Variants in DPH6 observed in about 807,000 individuals in gnomAD.
DPH6 encodes the protein diphthamine biosynthesis 6.
In DPH6, 33 loss-of-function variants were observed where a neutral mutation model predicts 38.2. That is an observed-to-expected ratio of 0.86 (90% CI 0.65 to 1.15). The LOEUF (loss-of-function observed/expected upper bound fraction) is 1.15. Among genes scored for constraint, DPH6 ranks in the 50% most tolerant of loss-of-function variants. The pLI is 0.00. For synonymous variants in DPH6, 108 were observed against 103.0 expected, an observed-to-expected ratio of 1.05 and a Z score of -0.30; for missense variants, 325 against 320.0, an observed-to-expected ratio of 1.02 and a Z score of -0.12.
the DPH6 span, among the ~76,000 whole-genome samples, chr15:35,163,733 C>T: frequency 6.6e-6 from 1 of 151,844 alleles, no homozygotes; most frequent in African/African-American, 2.4e-5. Flanking sequence ...TGAGATTGCA[C>T]ATCACTACCT....
intron 5 of DPH6, among the ~76,000 whole-genome samples, chr15:35,440,908 C>A (rs2053779135): frequency 6.6e-6 from 1 of 152,200 alleles, no homozygotes; most frequent in Non-Finnish European, 1.5e-5. Flanking sequence ...ATCTATCCAT[C>A]TGACAAAGGA....
In DPH6 at chr15:35,242,895, A is replaced by C. The variant is rs318351; in HGVS notation, n.201-22313T>G. On this transcript the variant is annotated intron_variant and non_coding_transcript_variant, in intron 3 of 3. Coordinates refer to the DPH6 transcript ENST00000560386. ...ATTCACCGTTCTCAACTACTCATAC[A>C]TGCCCTGCTCTTGTTTACACTGCCG... Among the ~76,000 whole-genome samples, 18 of 141,192 alleles carry C rather than the reference A, an allele frequency of 1.3e-4. 3 individuals carry two copies. Among genetic ancestry groups the C allele is most frequent in the South Asian group, 5.0e-4 (2 of 3,968 alleles). 92.6% of individuals were successfully genotyped at this position (141,192 alleles called of 152,430 possible).
intron 3 of DPH6, among the ~76,000 whole-genome samples, chr15:35,491,548 T>TATACACACAC (rs376634978): frequency 7.3e-5 from 10 of 137,696 alleles, no homozygotes; most frequent in Admixed American, 5.2e-4. Flanking sequence ...CCAATAGGTG[T>TATACACACAC]ACACACACAC....
At chr15:35,163,493 C>T in the DPH6 span, among the ~76,000 whole-genome samples, 20 of 151,834 alleles carry the variant, frequency 1.3e-4, no homozygotes, top group African/African-American at 2.7e-4. Flanking sequence ...CTTTTCATTC[C>T]GCTGTAAAAA....
chr15:35,490,128 A>G (rs1348277433), intron 3 of DPH6: 22 of 985,274 alleles, frequency 2.2e-5, no homozygotes, highest in Non-Finnish European at 2.5e-5. Context: ...CTGCACTTCA[A>G]TCATTGGGTT....
chr15:35,151,918 T>C, the DPH6 span, among the ~76,000 whole-genome samples: 1 of 152,186 alleles, frequency 6.6e-6, no homozygotes, highest in African/African-American at 2.4e-5. Context: ...AAGTGCTCCT[T>C]ACAATTTTCA....
chr15:35,202,590 A>T, the DPH6 span, among the ~76,000 whole-genome samples: 6 of 151,794 alleles, frequency 4.0e-5, no homozygotes, highest in African/African-American at 1.4e-4. Context: ...TTCTTCCAAG[A>T]CAGTGTAAAC....
the DPH6 span, among the ~76,000 whole-genome samples, chr15:35,191,588 C>T: frequency 6.6e-6 from 1 of 152,174 alleles, no homozygotes; most frequent in African/African-American, 2.4e-5. Flanking sequence ...CTATGAAGCC[C>T]TTCCTGACAC....
intron 5 of DPH6, among the ~76,000 whole-genome samples, chr15:35,417,711 T>A (rs1255299430): frequency 1.3e-5 from 2 of 152,084 alleles, no homozygotes; most frequent in African/African-American, 4.8e-5. Context: ...TATATAATAA[T>A]ATCTCAGTAA....
At chr15:35,520,469 T>A (rs1418173399) in intron 3 of DPH6, 1 of 983,992 alleles carries the variant, frequency 1.0e-6, no homozygotes, top group African/African-American at 1.7e-5. Context: ...ATATTTTCTA[T>A]TCTCTCACAT....
chr15:35,233,889 C>T (rs145226651), intron 3 of DPH6, among the ~76,000 whole-genome samples: 21 of 152,336 alleles, frequency 1.4e-4, no homozygotes, highest in African/African-American at 5.1e-4. Flanking sequence ...CAAATCTCCA[C>T]TCAAACATCA....
chr15:35,355,934 A>G (rs2052555861), intron 3 of DPH6, among the ~76,000 whole-genome samples: 1 of 152,120 alleles, frequency 6.6e-6, no homozygotes, highest in Admixed American at 6.5e-5. Context: ...CCAGATGTAG[A>G]TTTGGTCTTT....
At chr15:35,533,159 T>A (rs1040432363) in intron 3 of DPH6, among the ~76,000 whole-genome samples, 1 of 151,532 alleles carries the variant, frequency 6.6e-6, no homozygotes, top group African/African-American at 2.4e-5. Flanking sequence ...AACCCACACA[T>A]TTTTAGAAAA....
intron 3 of DPH6, among the ~76,000 whole-genome samples, chr15:35,297,730 A>T (rs745895736): frequency 2.0e-5 from 3 of 152,008 alleles, no homozygotes; most frequent in Non-Finnish European, 2.9e-5. Context: ...ATTCACAATC[A>T]TCTACCTGCT....
At chr15:35,198,101 T>G in the DPH6 span, among the ~76,000 whole-genome samples, 15 of 152,002 alleles carry the variant, frequency 9.9e-5, no homozygotes, top group African/African-American at 2.9e-4. Context: ...TAACAAACAT[T>G]TAGTGAGTAT....
At chr15:35,391,576 CA>C (rs2053058189) in intron 6 of DPH6, among the ~76,000 whole-genome samples, 3 of 152,172 alleles carry the variant, frequency 2.0e-5, no homozygotes, top group Admixed American at 1.3e-4. Flanking sequence ...TGCCACCTTG[CA>C]GTTTGATCTC....
chr15:35,147,819 T>C, the DPH6 span, among the ~76,000 whole-genome samples: 2 of 152,236 alleles, frequency 1.3e-5, no homozygotes, highest in Non-Finnish European at 2.9e-5. Flanking sequence ...GCCATTAATA[T>C]AGAAGAACTA....
At chr15:35,539,187 T>G (rs1199398623) in intron 2 of DPH6, among the ~76,000 whole-genome samples, 3 of 151,998 alleles carry the variant, frequency 2.0e-5, no homozygotes, top group Admixed American at 6.6e-5. Context: ...TATACTGGAA[T>G]AGACCTTTAG....
At position 35,373,515 on chromosome 15, in the gene DPH6, A is replaced by G. The variant is rs1270923884; in HGVS notation, c.750+6T>C. ...TGAAATCACTGTGAATCTTAGATTT[A>G]CTTGCCTTGTCCTCCAAGTGCAATT... On this transcript the variant is annotated splice_donor_region_variant and intron_variant, in intron 8 of 8. Transcript: ENST00000256538. 4 of 1,598,116 alleles carry G rather than the reference A, an allele frequency of 2.5e-6. No homozygotes were observed. The highest frequency in any genetic ancestry group is 1.4e-5 in the African/African-American group (1 of 74,030).
Sources: allele counts gnomAD v4.1 joint callset (sites outside exome capture counted in the v4.1 genomes callset), GRCh38; gene constraint gnomAD v4.1.1; transcripts MANE v1.5; gene names NCBI Gene and HGNC (gene_info 2026-07-23, HGNC 2026-07-21).